Variants in TLL2 observed in about 807,000 individuals in gnomAD.
TLL2 encodes tolloid-like protein 2.
In TLL2, 106 loss-of-function variants were observed where a neutral mutation model predicts 123.0. The ratio of observed to expected loss-of-function variants is 0.86; its 90% confidence interval spans 0.74 to 1.01. The LOEUF (loss-of-function observed/expected upper bound fraction) is 1.01, where lower values mean the gene tolerates loss of function less well. TLL2 is among the 50% of genes least tolerant of loss of function. The pLI is 0.00. For synonymous variants in TLL2, 494 were observed against 516.8 expected (o/e 0.96, Z 0.60); for missense variants, 1,332 against 1,336.7 (o/e 1.00, Z 0.06).
rs551866066 is a variant in TLL2, at chr10:96,450,643, C to T, written c.287-4475G>A. On this transcript the variant is annotated intron_variant, in intron 2 of 20. Coordinates refer to ENST00000357947, the MANE Select transcript of TLL2 (RefSeq NM_012465.4). ...CACTAGCAAAAGCCATGTCTCACAT[C>T]GAAATCGATGAAAAGCGTTTCTCCG... Among the ~76,000 whole-genome samples, 7 of 152,274 alleles carry T rather than the reference C, an allele frequency of 4.6e-5. No homozygotes were observed. The East Asian group carries it at 5.8e-4, about 13-fold the overall frequency.
rs368540432 is a variant in TLL2, at chr10:96,424,597, A to AT, written c.639-1871dup. Among the ~76,000 whole-genome samples, 55 of 150,480 alleles carry AT rather than the reference A, an allele frequency of 3.7e-4. No individual in the cohort carries two copies. In the East Asian group the frequency reaches 4.3e-3, roughly 12 times the overall value. ...TAGTTTTTCACATATTTTAAGCGACATTTTTTTTTCTGTGAATTATGTGAT... is the reference window on the plus strand; with the variant it reads ...TAGTTTTTCACATATTTTAAGCGACATTTTTTTTTTCTGTGAATTATGTGAT... On this transcript the variant is annotated intron_variant, in intron 5 of 20. Transcript: ENST00000357947.
chr10:96,402,365 T>C (rs1846404980), intron 10 of TLL2, among the ~76,000 whole-genome samples: 1 of 152,212 alleles, frequency 6.6e-6, no homozygotes, highest in Admixed American at 6.5e-5. Context: ...ATAGGATCAT[T>C]CTCTGACCCA....
At chr10:96,379,178 C>T in intron 16 of TLL2, 86 bp from the exon 17 acceptor site, 2 of 1,535,458 alleles carry the variant, frequency 1.3e-6, no homozygotes, top group Non-Finnish European at 1.8e-6. Context: ...AAAGTGGCCT[C>T]CTCTGGGAAG....
At position 96,446,128 on chromosome 10, in the gene TLL2, G is replaced by A; in HGVS notation, c.327C>T (p.Thr109=). 1 of 1,614,128 alleles carries A rather than the reference G, an allele frequency of 6.2e-7. No homozygotes were observed. The highest frequency in any genetic ancestry group is 1.1e-5 in the South Asian group (1 of 91,072). The change falls in exon 3 of 21, where the codon ACC becomes ACT. Residue 109 remains threonine, a synonymous_variant. Coordinates refer to ENST00000357947, the MANE Select transcript of TLL2 (RefSeq NM_012465.4). Reference sequence around the variant, plus strand: ...CCTTGGTGCCAGTGTCCATGGCTGTGGTGTCTGGGCTGCTCTCAGATGCCT... The same window carrying A: ...CCTTGGTGCCAGTGTCCATGGCTGTAGTGTCTGGGCTGCTCTCAGATGCCT... ...EEQASESSPD[T]TAMDTGTKEA...
At chr10:96,445,179 ACT>A (rs968007255) in intron 3 of TLL2, among the ~76,000 whole-genome samples, 15 of 151,900 alleles carry the variant, frequency 9.9e-5, no homozygotes, top group African/African-American at 2.9e-4. Flanking sequence ...ACAGAGCGAG[ACT>A]CCACCTCAAA....
chr10:96,445,167 C>T (rs1380892401), intron 3 of TLL2, among the ~76,000 whole-genome samples: 2 of 152,058 alleles, frequency 1.3e-5, no homozygotes, highest in South Asian at 2.1e-4. Flanking sequence ...CCAGCCTGGG[C>T]GACAGAGCGA....
At chr10:96,376,549 G>T in intron 18 of TLL2, 143 bp downstream of exon 18, 1 of 889,252 alleles carries the variant, frequency 1.1e-6, no homozygotes, top group Non-Finnish European at 1.7e-6. Flanking sequence ...TAGTATCCAT[G>T]TTTTCCAGAT....
Position 96,368,006 on chromosome 10 carries a change from CA to C in TLL2, c.*81del. 1 of 1,538,544 alleles carries C rather than the reference CA, an allele frequency of 6.5e-7. No individual in the cohort carries two copies. Among genetic ancestry groups the C allele is most frequent in the Non-Finnish European group, 8.8e-7 (1 of 1,130,570 alleles). The stretch of plus-strand genomic sequence containing the variant: ...AAAAATACTGTACACTGTTTTAGGG[CA>C]GATTTTCAAGGTGCTATTGTTGTTA... On this transcript the variant is annotated 3_prime_UTR_variant, in exon 21 of 21. Coordinates refer to ENST00000357947, the MANE Select transcript of TLL2 (RefSeq NM_012465.4).
Position 96,457,868 on chromosome 10 carries a change from C to A in TLL2, c.287-11700G>T, listed in dbSNP as rs1323384688. 7.2e-5 allele frequency among the ~76,000 whole-genome samples: 11 copies of A among 152,234 alleles called. No individual in the cohort carries two copies. The East Asian group carries it at 2.1e-3, about 29-fold the overall frequency. On this transcript the variant is annotated intron_variant, in intron 2 of 20. Transcript: ENST00000357947. ...AAGAGGAAGATTCTAGAATAAACTT[C>A]TCAGCCTCCATTTGTTTCCTTCATG...
chr10:96,459,695 A>T (rs1469518318), intron 2 of TLL2, among the ~76,000 whole-genome samples: 3,765 of 59,068 alleles, frequency 0.064, 215 homozygotes, highest in Non-Finnish European at 0.097. Context: ...AAAAAAAAAA[A>T]AAAAAAAAAA....
Position 96,444,909 on chromosome 10 carries a change from G to T in TLL2, c.364+1182C>A, listed in dbSNP as rs377625172. ...TCTGGCATTTAAAAATTATTCCTTGGCCAGGTGCGGTGGCTCACGCCTGTA... is the reference window on the plus strand; with the variant it reads ...TCTGGCATTTAAAAATTATTCCTTGTCCAGGTGCGGTGGCTCACGCCTGTA... On this transcript the variant is annotated intron_variant, in intron 3 of 20. Transcript: ENST00000357947. 5.9e-5 allele frequency among the ~76,000 whole-genome samples: 9 copies of T among 152,224 alleles called. No homozygotes were observed. The South Asian group carries it at 1.7e-3, about 28-fold the overall frequency.
chr10:96,432,066 G>A (rs781768388), intron 4 of TLL2, among the ~76,000 whole-genome samples: 2 of 151,984 alleles, frequency 1.3e-5, no homozygotes, highest in Non-Finnish European at 2.9e-5. Context: ...TTGAGGGAGG[G>A]CATTACAGGC....
intron 2 of TLL2, among the ~76,000 whole-genome samples, chr10:96,460,389 C>A (rs1396351170): frequency 1.3e-5 from 2 of 152,230 alleles, no homozygotes; most frequent in South Asian, 2.1e-4. Flanking sequence ...GGAGGTGGGA[C>A]CTTTGAGAGG....
chr10:96,447,678 C>T (rs928318585), intron 2 of TLL2, among the ~76,000 whole-genome samples: 3 of 152,196 alleles, frequency 2.0e-5, no homozygotes, highest in Non-Finnish European at 2.9e-5. Context: ...CACGAAACCA[C>T]ATCAAAGCAA....
intron 2 of TLL2, among the ~76,000 whole-genome samples, chr10:96,476,975 G>A (rs1210522607): frequency 6.6e-6 from 1 of 151,246 alleles, no homozygotes; most frequent in East Asian, 1.9e-4. Context: ...GGGATCTTTG[G>A]GGCTGGGATA....
chr10:96,453,983 C>T (rs1846985548), intron 2 of TLL2, among the ~76,000 whole-genome samples: 1 of 151,522 alleles, frequency 6.6e-6, no homozygotes, highest in African/African-American at 2.4e-5. Flanking sequence ...ACATCATACA[C>T]TATGCCTGCA....
At chr10:96,467,829 G>A (rs1847144354) in intron 2 of TLL2, among the ~76,000 whole-genome samples, 1 of 152,194 alleles carries the variant, frequency 6.6e-6, no homozygotes, top group African/African-American at 2.4e-5. Context: ...TTGAGAGGCT[G>A]AGACACAGTC....
At position 96,373,632 on chromosome 10, in the gene TLL2, C is replaced by T. The variant is rs374833353; in HGVS notation, c.2626G>A (p.Val876Met). ...MFLRFYSDAS[V>M]QRKGFQAVHS... ...ACTGCCTGGAAGCCTTTCCTCTGCA[C>T]TGAGGCATCCGAATAAAACCTGAGA... Residue 876 changes from valine to methionine, a missense_variant, in exon 19 of 21, where the codon GTG (valine) becomes ATG (methionine). Coordinates refer to ENST00000357947, the MANE Select transcript of TLL2 (RefSeq NM_012465.4). 5 of 1,614,144 alleles carry T rather than the reference C, an allele frequency of 3.1e-6. No homozygotes were observed. The African/African-American group carries it at 5.3e-5, about 17-fold the overall frequency.
intron 1 of TLL2, among the ~76,000 whole-genome samples, chr10:96,509,953 GTAAATAAA>G (rs35135927): frequency 1.3e-5 from 2 of 151,868 alleles, no homozygotes; most frequent in East Asian, 1.9e-4. Flanking sequence ...TCTCAAAAAA[GTAAATAAA>G]TAAATAAATA....
Sources: allele counts gnomAD v4.1 joint callset (sites outside exome capture counted in the v4.1 genomes callset), GRCh38; gene constraint gnomAD v4.1.1; transcripts MANE v1.5; gene names NCBI Gene and HGNC (gene_info 2026-07-23, HGNC 2026-07-21).